Variants in FRY observed in about 807,000 individuals in gnomAD.
FRY encodes protein furry homolog.
FRY carries 128 observed loss-of-function variants against 348.4 expected under a neutral mutation model. That is an observed-to-expected ratio of 0.37 (90% CI 0.32 to 0.43). The LOEUF (loss-of-function observed/expected upper bound fraction) is 0.43, where lower values mean the gene tolerates loss of function less well. Ranked by LOEUF, FRY falls within the 20% of genes least tolerant of loss-of-function variation. The pLI is 1.00. For missense variants in FRY, 2,736 were observed against 3,695.2 expected (o/e 0.74, Z 6.73); for synonymous variants, 1,370 against 1,374.7 (o/e 1.00, Z 0.08).
At chr13:32,211,232 G>A (rs1204044553) in intron 34 of FRY, among the ~76,000 whole-genome samples, 198 bp downstream of exon 34, 1 of 152,228 alleles carries the variant, frequency 6.6e-6, no homozygotes, top group African/African-American at 2.4e-5. Context: ...CACTTTGGGA[G>A]GCTGAGGCTG....
chr13:32,189,860 C>T (rs1272482430), intron 28 of FRY, among the ~76,000 whole-genome samples: 5 of 151,918 alleles, frequency 3.3e-5, no homozygotes, highest in Admixed American at 2.0e-4. Flanking sequence ...AAAAGGCAGT[C>T]TCATTCATGA....
At chr13:32,080,236 A>T (rs117331318) in intron 2 of FRY, among the ~76,000 whole-genome samples, 191 of 152,320 alleles carry the variant, frequency 1.3e-3, no homozygotes, top group Admixed American at 3.7e-3. Context: ...ACTCATCCTT[A>T]CTACAGGACC....
At chr13:32,262,206 G>A in intron 52 of FRY, 108 bp from the exon 53 acceptor site, 1 of 848,024 alleles carries the variant, frequency 1.2e-6, no homozygotes. Flanking sequence ...ATGGTGAAAT[G>A]TGGAAGTTAA....
intron 43 of FRY, among the ~76,000 whole-genome samples, chr13:32,236,630 G>C (rs1468921153): frequency 1.3e-5 from 2 of 150,770 alleles, no homozygotes; most frequent in African/African-American, 2.4e-5. Context: ...TCCTACCTCA[G>C]TATCTTTTTT....
In FRY at chr13:32,261,696, G is replaced by A. The variant is rs754991241; in HGVS notation, c.7497G>A (p.Leu2499=). 4 of 1,614,092 alleles carry A rather than the reference G, an allele frequency of 2.5e-6. No individual in the cohort carries two copies. The highest frequency in any genetic ancestry group is 1.7e-5 in the Admixed American group (1 of 60,016). The change falls in exon 52 of 61, where the codon CTG becomes CTA. Residue 2499 remains leucine, a synonymous_variant. Transcript: ENST00000542859. ...TGGATAAGTGTGATATGCAGATTCTGGAGGAGCGCCAACTGTCAGGAAGCA... is the reference window on the plus strand; with the variant it reads ...TGGATAAGTGTGATATGCAGATTCTAGAGGAGCGCCAACTGTCAGGAAGCA... ...DSLDKCDMQI[L]EERQLSGSTP...
At chr13:32,148,817 G>T (rs1318515051) in intron 13 of FRY, among the ~76,000 whole-genome samples, 1 of 152,210 alleles carries the variant, frequency 6.6e-6, no homozygotes, top group African/African-American at 2.4e-5. Flanking sequence ...CTACTTCACA[G>T]ATGATTTGAC....
At chr13:32,136,850 C>G in intron 10 of FRY, 21 bp from the exon 11 acceptor site, 2,029 of 1,114,246 alleles carry the variant, frequency 1.8e-3, no homozygotes, top group Non-Finnish European at 2.6e-3. Context: ...GATCCTGTGA[C>G]CTCCTCTCCT....
chr13:32,192,343 G>C (rs541102029), intron 28 of FRY, among the ~76,000 whole-genome samples: 1 of 128,676 alleles, frequency 7.8e-6, no homozygotes, highest in African/African-American at 2.7e-5. Context: ...CTGTCCCCCC[G>C]GCTGGAGTGC....
At chr13:32,139,233 A>G (rs976913455) in intron 11 of FRY, among the ~76,000 whole-genome samples, 3 of 152,194 alleles carry the variant, frequency 2.0e-5, no homozygotes, top group Non-Finnish European at 4.4e-5. Context: ...AGCTTCAAAG[A>G]TATACTTTGT....
intron 15 of FRY, among the ~76,000 whole-genome samples, chr13:32,155,955 G>A (rs1881080399): frequency 6.6e-6 from 1 of 152,142 alleles, no homozygotes; most frequent in South Asian, 2.1e-4. Context: ...CAAGACATCT[G>A]TGTGCTTTGC....
Position 32,184,580 on chromosome 13 carries a change from T to A in FRY, c.3055-20T>A. 6.7e-7 allele frequency: 1 copy of A among 1,486,884 alleles called. No individual in the cohort carries two copies. The highest frequency in any genetic ancestry group is 1.7e-5 in the Admixed American group (1 of 59,856). The allele number at this position is 1,486,884 out of a possible 1,614,324, so 92.1% of individuals were successfully genotyped here. ...TTGTTTTGCCTGTGTCTGTAAGTGA[T>A]ACTACCTCTTTCTACACAGAACAAG... On this transcript the variant is annotated intron_variant, in intron 24 of 60. Transcript: ENST00000542859.
At chr13:32,292,523 G>A (rs1335895316) in intron 59 of FRY, among the ~76,000 whole-genome samples, 2 of 152,144 alleles carry the variant, frequency 1.3e-5, no homozygotes, top group East Asian at 3.9e-4. Context: ...GCAGGGTGCG[G>A]TGGCTCACGC....
intron 24 of FRY, among the ~76,000 whole-genome samples, chr13:32,183,855 G>C (rs1472889084): frequency 6.6e-6 from 1 of 151,754 alleles, no homozygotes; most frequent in African/African-American, 2.4e-5. Flanking sequence ...GCAGAAATTA[G>C]GTCAGGTGCA....
rs966971029 is a variant in FRY at position 32,186,244 on chromosome 13, G to T, written c.3320-16G>T. On this transcript the variant is annotated splice_polypyrimidine_tract_variant and intron_variant, in intron 26 of 60. Transcript: ENST00000542859. ...ATGTCCAGTCTTATAACCTCTAAGT[G>T]TGTTTTTCTCCCTAGTTCACCACCG... is the stretch of plus-strand genomic sequence containing the variant. The T allele has an allele frequency of 6.3e-7, 1 of 1,598,822 alleles. No individual in the cohort carries two copies. Among genetic ancestry groups the T allele is most frequent in the Non-Finnish European group, 8.6e-7 (1 of 1,166,042 alleles).
chr13:32,177,704 C>T (rs2138235239), intron 20 of FRY, among the ~76,000 whole-genome samples: 1 of 152,206 alleles, frequency 6.6e-6, no homozygotes, highest in Admixed American at 6.5e-5. Flanking sequence ...CTCTCTAAAT[C>T]AAAGGGAAGA....
intron 1 of FRY, among the ~76,000 whole-genome samples, chr13:32,054,475 G>A (rs546560452): frequency 6.6e-6 from 1 of 152,246 alleles, no homozygotes; most frequent in African/African-American, 2.4e-5. Flanking sequence ...GGCTTGAAGT[G>A]AGACCTTGCA....
intron 36 of FRY, among the ~76,000 whole-genome samples, chr13:32,219,885 G>C (rs1436426280): frequency 6.6e-6 from 1 of 152,118 alleles, no homozygotes; most frequent in East Asian, 1.9e-4. Flanking sequence ...TGAAAGCCTT[G>C]CTAACCTGGG....
At chr13:32,284,318 C>T (rs1387848110) in intron 58 of FRY, among the ~76,000 whole-genome samples, 3 of 152,168 alleles carry the variant, frequency 2.0e-5, no homozygotes, top group Non-Finnish European at 2.9e-5. Flanking sequence ...TCTACATAAT[C>T]TATGAATGAG....
intron 59 of FRY, among the ~76,000 whole-genome samples, chr13:32,292,884 GCCACCACCA>G (rs1434279062): frequency 6.6e-6 from 1 of 151,956 alleles, no homozygotes; most frequent in Non-Finnish European, 1.5e-5. Context: ...CCAACCTTCA[GCCACCACCA>G]TCCTGATCAG....
Sources: gnomAD v4.1 joint callset for allele counts (sites outside exome capture counted in the v4.1 genomes callset) on GRCh38, gnomAD v4.1.1 for gene constraint, MANE v1.5 for transcripts, NCBI Gene and HGNC (gene_info 2026-07-23, HGNC 2026-07-21) for gene names.